BRCC3: variants seen among roughly 807,000 people sequenced by gnomAD.
BRCC3 encodes the protein BRCA1/BRCA2-containing complex subunit 3.
BRCC3 carries 15 observed loss-of-function variants against 28.0 expected under a neutral mutation model. That is an observed-to-expected ratio of 0.54 (90% CI 0.36 to 0.82). The LOEUF (loss-of-function observed/expected upper bound fraction) is 0.82, where lower values mean the gene tolerates loss of function less well. Ranked by LOEUF, BRCC3 falls within the 40% of genes least tolerant of loss-of-function variation. BRCC3 has a pLI of 0.01. For missense variants in BRCC3, 109 were observed against 225.9 expected (o/e 0.48, Z 3.32); for synonymous variants, 66 against 80.3 (o/e 0.82, Z 0.95).
At chrX:155,105,793 G>A (rs1349369080) in intron 7 of BRCC3, among the ~76,000 whole-genome samples, 1 of 111,871 alleles carries the variant, frequency 8.9e-6, no homozygotes, top group Non-Finnish European at 1.9e-5. Context: ...CTGCCTCCCG[G>A]GATCAAGCTG....
chrX:155,106,534 GA>G (rs1557297577), intron 7 of BRCC3, among the ~76,000 whole-genome samples: 1 of 112,347 alleles, frequency 8.9e-6, no homozygotes, highest in Non-Finnish European at 1.9e-5. Flanking sequence ...AATAGTAGAT[GA>G]TCTTGTTTTG....
At chrX:155,110,269 T>A (rs782739040) in intron 7 of BRCC3, among the ~76,000 whole-genome samples, 3 of 111,686 alleles carry the variant, frequency 2.7e-5, no homozygotes, top group Non-Finnish European at 5.7e-5. Flanking sequence ...TGAAATGGTT[T>A]GTGTAAGTTT....
chrX:155,076,377 A>C (rs1569560440), intron 3 of BRCC3, among the ~76,000 whole-genome samples: 1 of 110,862 alleles, frequency 9.0e-6, no homozygotes, highest in Non-Finnish European at 1.9e-5. Context: ...CGACAGACTG[A>C]GACTGTGTCA....
chrX:155,120,393 A>G (rs2074382062), intron 10 of BRCC3, among the ~76,000 whole-genome samples: 1 of 112,285 alleles, frequency 8.9e-6, no homozygotes, highest in Non-Finnish European at 1.9e-5. Context: ...TAAAAAGGCT[A>G]TGAGTGGTAC....
At chrX:155,102,420 A>G (rs1256594657) in intron 7 of BRCC3, among the ~76,000 whole-genome samples, 2 of 112,138 alleles carry the variant, frequency 1.8e-5, no homozygotes, top group East Asian at 5.6e-4. Context: ...TCATTTTTGT[A>G]TATTGAGTTA....
rs2074388912 is a variant in BRCC3 at position 155,121,650 on chromosome X, G to C, written c.*446G>C. The C allele has an allele frequency of 8.9e-6, 1 of 111,944 alleles. No homozygotes were observed. The allele number at this position is 111,944 out of a possible 1,213,427, so 9.2% of individuals were successfully genotyped here. Reference sequence around the variant, plus strand: ...CAGGAGAAAAATCTTCAGGATCTTGGGCTAGGTGACAAGTTCTTGGACTTT... The same window carrying C: ...CAGGAGAAAAATCTTCAGGATCTTGCGCTAGGTGACAAGTTCTTGGACTTT... On this transcript the variant is annotated 3_prime_UTR_variant, in exon 11 of 11. Transcript: ENST00000330045.
At chrX:155,076,243 G>T (rs1339454013) in intron 3 of BRCC3, among the ~76,000 whole-genome samples, 9 of 110,868 alleles carry the variant, frequency 8.1e-5, no homozygotes, top group African/African-American at 3.0e-4. Context: ...AATACAAAAA[G>T]CCGGGCATGG....
At chrX:155,086,434 G>A (rs782416914) in intron 5 of BRCC3, among the ~76,000 whole-genome samples, 5 of 111,416 alleles carry the variant, frequency 4.5e-5, no homozygotes, top group African/African-American at 9.8e-5. Flanking sequence ...AACTGCAACC[G>A]CCGTCTCCTG....
intron 9 of BRCC3, among the ~76,000 whole-genome samples, 175 bp from the exon 10 acceptor site, chrX:155,119,824 C>T (rs182996769): frequency 3.0e-4 from 34 of 111,991 alleles, no homozygotes; most frequent in Admixed American, 4.7e-4. Flanking sequence ...CTGTTTTTCC[C>T]CTGGCTGGGC....
intron 5 of BRCC3, among the ~76,000 whole-genome samples, chrX:155,085,263 C>G (rs1321702784): frequency 1.8e-5 from 2 of 112,610 alleles, no homozygotes; most frequent in African/African-American, 6.5e-5. Flanking sequence ...GCTTTTAATA[C>G]TACATATGGT....
At chrX:155,090,731 A>G in intron 6 of BRCC3, 53 bp from the exon 7 acceptor site, 1 of 1,005,625 alleles carries the variant, frequency 9.9e-7, no homozygotes, top group Non-Finnish European at 1.4e-6. Flanking sequence ...GGTCTTTTTC[A>G]ATATTAATCT....
At chrX:155,082,897 G>A (rs1363283640) in intron 5 of BRCC3, among the ~76,000 whole-genome samples, 1 of 111,971 alleles carries the variant, frequency 8.9e-6, no homozygotes, top group African/African-American at 3.3e-5. Flanking sequence ...CTCTGGACCA[G>A]CTCCTTAGAC....
intron 5 of BRCC3, among the ~76,000 whole-genome samples, chrX:155,079,398 A>G (rs1489207532): frequency 1.8e-5 from 2 of 111,737 alleles, no homozygotes; most frequent in African/African-American, 3.3e-5. Flanking sequence ...CCACTGTGCT[A>G]CTACTAGTCA....
intron 9 of BRCC3, among the ~76,000 whole-genome samples, chrX:155,119,272 C>T (rs2074375575): frequency 8.9e-6 from 1 of 111,768 alleles, no homozygotes; most frequent in Non-Finnish European, 1.9e-5. Context: ...CTGGAAAATA[C>T]TGGATAATTA....
chrX:155,115,894 C>T (rs782660577), intron 7 of BRCC3, among the ~76,000 whole-genome samples, 163 bp from the exon 8 acceptor site: 4 of 112,195 alleles, frequency 3.6e-5, no homozygotes, highest in African/African-American at 1.3e-4. Context: ...CAGACGAACC[C>T]AGTTTGAACT....
chrX:155,093,698 T>G (rs1557295925), intron 7 of BRCC3, among the ~76,000 whole-genome samples: 1 of 108,322 alleles, frequency 9.2e-6, no homozygotes, highest in East Asian at 3.0e-4. Context: ...CCCCCTAAGT[T>G]AATAGGACAG....
chrX:155,089,543 G>A (rs781987706), intron 6 of BRCC3, among the ~76,000 whole-genome samples, 192 bp downstream of exon 6: 10 of 111,687 alleles, frequency 9.0e-5, no homozygotes, highest in East Asian at 2.8e-4. Flanking sequence ...GGGAAAGAAC[G>A]TTCCAGGCAG....
chrX:155,092,232 T>A (rs2074179672), intron 7 of BRCC3, among the ~76,000 whole-genome samples: 2 of 112,126 alleles, frequency 1.8e-5, no homozygotes, highest in South Asian at 3.7e-4. Context: ...TTCTCCTCAA[T>A]GTAGTTATGT....
chrX:155,087,701 C>T (rs1298692864), intron 5 of BRCC3, among the ~76,000 whole-genome samples: 1 of 111,450 alleles, frequency 9.0e-6, no homozygotes, highest in African/African-American at 3.3e-5. Context: ...AAGTTAGAGA[C>T]GAGTAGGAAG....
Sources: allele counts gnomAD v4.1 joint callset (sites outside exome capture counted in the v4.1 genomes callset), GRCh38; gene constraint gnomAD v4.1.1; transcripts MANE v1.5; gene names NCBI Gene and HGNC (gene_info 2026-07-23, HGNC 2026-07-21).